PAPOLA: variants seen among roughly 807,000 people sequenced by gnomAD.
The protein encoded by PAPOLA is polynucleotide adenylyltransferase alpha.
Under a neutral mutation model 100.6 loss-of-function variants are expected in PAPOLA, and 15 were observed. That is an observed-to-expected ratio of 0.15 (90% CI 0.10 to 0.23). The LOEUF (loss-of-function observed/expected upper bound fraction) is 0.23. Among genes scored for constraint, PAPOLA ranks in the 10% least tolerant of loss-of-function variants. PAPOLA has a pLI of 1.00. For synonymous variants in PAPOLA, 293 were observed against 300.0 expected (o/e 0.98, Z 0.24); for missense variants, 533 against 884.2 (o/e 0.60, Z 5.04).
intron 2 of PAPOLA, 106 bp from the exon 3 acceptor site, chr14:96,520,900 T>C: frequency 1.4e-6 from 1 of 694,774 alleles, no homozygotes; most frequent in Admixed American, 2.3e-5. Flanking sequence ...ACTGTGCTTC[T>C]GATTGCTTAA....
chr14:96,516,949 A>C (rs1028254348), intron 1 of PAPOLA, among the ~76,000 whole-genome samples: 5 of 152,168 alleles, frequency 3.3e-5, no homozygotes, highest in Non-Finnish European at 7.3e-5. Context: ...GTAAGAAAAA[A>C]ATGGGAAGAT....
intron 1 of PAPOLA, among the ~76,000 whole-genome samples, chr14:96,518,611 G>A (rs1213274661): frequency 6.6e-6 from 1 of 151,732 alleles, no homozygotes; most frequent in Non-Finnish European, 1.5e-5. Context: ...GGGTTTCACT[G>A]TGGTCTCGAT....
intron 21 of PAPOLA, among the ~76,000 whole-genome samples, 197 bp from the exon 22 acceptor site, chr14:96,564,758 T>G (rs1257432501): frequency 6.6e-6 from 1 of 152,100 alleles, no homozygotes; most frequent in Admixed American, 6.6e-5. Flanking sequence ...GAAAATTCCT[T>G]TGTTGAACAC....
chr14:96,534,016 G>A, intron 9 of PAPOLA: 1 of 986,828 alleles, frequency 1.0e-6, no homozygotes, highest in Non-Finnish European at 1.2e-6. Context: ...ATGCCACCAA[G>A]TTTTACTACT....
chr14:96,538,957 G>C (rs573411842), intron 12 of PAPOLA, among the ~76,000 whole-genome samples: 1 of 152,194 alleles, frequency 6.6e-6, no homozygotes, highest in African/African-American at 2.4e-5. Flanking sequence ...GAAGGAGCCA[G>C]AACCATGGAG....
At position 96,532,266 on chromosome 14, in the gene PAPOLA, T is replaced by G. The variant is rs182229824; in HGVS notation, c.608-65T>G. 6.4e-4 allele frequency: 958 copies of G among 1,494,426 alleles called. 1 individual carries two copies. Among genetic ancestry groups the G allele is most frequent in the Middle Eastern group, 1.8e-3 (9 of 5,016 alleles). 92.6% of individuals were successfully genotyped at this position (1,494,426 alleles called of 1,614,324 possible). ...ACTTTTGATGATTTAATGTTGTTTT[T>G]TTTTGTTTTGTTTTGTTTTGTGTGT... On this transcript the variant is annotated intron_variant, in intron 7 of 21. Coordinates refer to ENST00000216277, the MANE Select transcript of PAPOLA (RefSeq NM_032632.5).
At chr14:96,508,772 G>A (rs1352841688) in intron 1 of PAPOLA, among the ~76,000 whole-genome samples, 1 of 152,080 alleles carries the variant, frequency 6.6e-6, no homozygotes, top group Non-Finnish European at 1.5e-5. Context: ...TATGTTCAGG[G>A]TTCTAATTAC....
At chr14:96,555,477 T>C (rs1028915739) in intron 17 of PAPOLA, among the ~76,000 whole-genome samples, 1 of 152,108 alleles carries the variant, frequency 6.6e-6, no homozygotes, top group Non-Finnish European at 1.5e-5. Flanking sequence ...ACTCTGGCGA[T>C]ATAGTAGCCA....
In PAPOLA at chr14:96,556,230, A is replaced by G. The variant is rs1566865948; in HGVS notation, c.1821A>G (p.Pro607=). Residue 607 remains proline (P), a synonymous_variant, in exon 19 of 22, where the codon CCA becomes CCG. Transcript: ENST00000216277. ...QTATQPAISP[P]PKPTVSRVVS... is the part of the protein sequence containing the mutation. ...CCACACAACCAGCCATTTCTCCACC[A>G]CCAAAGCCTACGGTCTCCAGAGTTG... is the stretch of plus-strand genomic sequence containing the variant. 1 of 1,614,110 alleles carries G rather than the reference A, an allele frequency of 6.2e-7. No individual in the cohort carries two copies.
intron 1 of PAPOLA, among the ~76,000 whole-genome samples, chr14:96,519,416 TA>T (rs1897756411): frequency 6.6e-6 from 1 of 152,156 alleles, no homozygotes; most frequent in Admixed American, 6.5e-5. Flanking sequence ...CCTAAGCATT[TA>T]AAGCATGCTA....
chr14:96,520,836 G>C (rs1343647092), intron 2 of PAPOLA, 170 bp from the exon 3 acceptor site: 2 of 533,440 alleles, frequency 3.7e-6, no homozygotes, highest in East Asian at 3.3e-5. Context: ...TATAGAAAGA[G>C]AGAGAGAGAG....
At position 96,535,952 on chromosome 14, in the gene PAPOLA, A is replaced by G; in HGVS notation, c.983A>G (p.Asn328Ser). The G allele has an allele frequency of 6.2e-7, 1 of 1,608,074 alleles. No individual in the cohort carries two copies. Among genetic ancestry groups the G allele is most frequent in the Non-Finnish European group, 8.5e-7 (1 of 1,176,730 alleles). ...PAYPQQNSTY[N>S]VSVSTRMVMV... The stretch of plus-strand genomic sequence containing the variant: ...TACCCACAACAGAACTCCACGTACA[A>G]TGTGTCCGTTTCAACACGGATGGTC... The change falls in exon 11 of 22, where the codon AAT becomes AGT. Residue 328 changes from asparagine to serine, a missense_variant. Physicochemically the swap from Asn to Ser is conservative, Grantham distance 46. Around this residue, in one of 9 missense-constraint regions of PAPOLA, gnomAD observed 87 missense variants for 173.3 expected, o/e 0.50. Coordinates refer to ENST00000216277, the MANE Select transcript of PAPOLA (RefSeq NM_032632.5).
intron 15 of PAPOLA, among the ~76,000 whole-genome samples, chr14:96,546,489 G>C (rs1284353113): frequency 2.6e-5 from 4 of 152,098 alleles, no homozygotes; most frequent in Admixed American, 6.6e-5. Flanking sequence ...GCCTCTGCCT[G>C]ATCTGCCTTT....
At position 96,509,401 on chromosome 14, in the gene PAPOLA, G is replaced by A. The variant is rs186326518; in HGVS notation, c.8+6801G>A. On this transcript the variant is annotated intron_variant, in intron 1 of 21. Transcript: ENST00000216277. Reference sequence around the variant, plus strand: ...TCAATTTTTTTTGTGTGTATAACATGTAAATCTCAAAGTATTTACATAATA... The same window carrying A: ...TCAATTTTTTTTGTGTGTATAACATATAAATCTCAAAGTATTTACATAATA... Among the ~76,000 whole-genome samples the A allele has an allele frequency of 1.7e-3, 262 of 152,212 alleles. 2 individuals are homozygous for A. Among genetic ancestry groups the A allele is most frequent in the African/African-American group, 6.1e-3 (253 of 41,502 alleles).
rs985098208 is a variant in PAPOLA at position 96,562,031 on chromosome 14, A to T, written c.2068-788A>T. 3.3e-5 allele frequency among the ~76,000 whole-genome samples: 5 copies of T among 151,748 alleles called. No homozygotes were observed. The East Asian group carries it at 9.6e-4, about 29-fold the overall frequency. On this transcript the variant is annotated intron_variant, in intron 20 of 21. Coordinates refer to ENST00000216277, the MANE Select transcript of PAPOLA (RefSeq NM_032632.5). ...TGCCTCAGCCTCCCGAGTAGTGGGG[A>T]TTACAGGCACCCGCCACCATGCCTG...
chr14:96,528,278 T>C (rs940460275), intron 6 of PAPOLA, among the ~76,000 whole-genome samples: 3 of 152,222 alleles, frequency 2.0e-5, no homozygotes, highest in Admixed American at 2.0e-4. Context: ...TGGTAGCTTT[T>C]CCATATGCCA....
chr14:96,524,298 C>T (rs2140265843), intron 3 of PAPOLA, among the ~76,000 whole-genome samples: 1 of 152,206 alleles, frequency 6.6e-6, no homozygotes, highest in Middle Eastern at 3.4e-3. Context: ...TACACTAGTG[C>T]CAGGGCCAGG....
chr14:96,559,484 A>G (rs767995402), intron 19 of PAPOLA, among the ~76,000 whole-genome samples: 4 of 151,536 alleles, frequency 2.6e-5, no homozygotes, highest in Admixed American at 1.3e-4. Flanking sequence ...TCAAATAAAT[A>G]TAAATGGTAA....
chr14:96,512,818 C>G (rs1417157879), intron 1 of PAPOLA, among the ~76,000 whole-genome samples: 1 of 152,172 alleles, frequency 6.6e-6, no homozygotes, highest in Non-Finnish European at 1.5e-5. Flanking sequence ...ACCTTGATTA[C>G]CTTTCTGTGT....
Sources: allele counts gnomAD v4.1 joint callset (sites outside exome capture counted in the v4.1 genomes callset), GRCh38; gene constraint gnomAD v4.1.1; regional missense constraint gnomAD v4.1.1; transcripts MANE v1.5; gene names NCBI Gene and HGNC (gene_info 2026-07-23, HGNC 2026-07-21).